CSGALNACT1: variants seen among roughly 807,000 people sequenced by gnomAD.
CSGALNACT1 encodes the protein beta4GalNAcT-1.
Under a neutral mutation model 51.0 loss-of-function variants are expected in CSGALNACT1, and 52 were observed. The ratio of observed to expected loss-of-function variants is 1.02; its 90% CI spans 0.82 to 1.29. The LOEUF is 1.29. Ranked by LOEUF, CSGALNACT1 falls within the 50% of genes most tolerant of loss-of-function variation. CSGALNACT1 has a pLI of 0.00. For synonymous variants in CSGALNACT1, 341 were observed against 254.4 expected (o/e 1.34, Z -3.24); for missense variants, 935 against 679.2 (o/e 1.38, Z -4.19).
At chr8:19,511,521 G>C (rs190564780) in intron 3 of CSGALNACT1, among the ~76,000 whole-genome samples, 23 of 152,342 alleles carry the variant, frequency 1.5e-4, no homozygotes, top group African/African-American at 4.8e-4. Flanking sequence ...TGGATATAAA[G>C]TCAGCACTGT....
At chr8:19,696,590 C>T (rs2061594536) in intron 1 of CSGALNACT1, among the ~76,000 whole-genome samples, 1 of 152,156 alleles carries the variant, frequency 6.6e-6, no homozygotes, top group Admixed American at 6.5e-5. Flanking sequence ...ATGGGGCTCC[C>T]CAGTTTCAGA....
intron 4 of CSGALNACT1, among the ~76,000 whole-genome samples, chr8:19,481,437 C>T (rs2071376324): frequency 6.6e-6 from 1 of 152,142 alleles, no homozygotes; most frequent in South Asian, 2.1e-4. Flanking sequence ...TTAGCAGGTG[C>T]TCGATAAACA....
chr8:19,458,630 G>A (rs779848759), exon 5 of CSGALNACT1: 2 of 1,613,946 alleles, frequency 1.2e-6, no homozygotes, highest in South Asian at 1.1e-5. Flanking sequence ...GTCCCTTTCT[G>A]TTCGGTAGAT....
At chr8:19,731,505 C>CAAAT (rs1227701757) in intron 1 of CSGALNACT1, among the ~76,000 whole-genome samples, 1 of 152,098 alleles carries the variant, frequency 6.6e-6, no homozygotes, top group African/African-American at 2.4e-5. Flanking sequence ...GACTCCATCT[C>CAAAT]AAATAAATAA....
chr8:19,706,920 C>A (rs982542628), intron 1 of CSGALNACT1, among the ~76,000 whole-genome samples: 1 of 152,018 alleles, frequency 6.6e-6, no homozygotes, highest in Non-Finnish European at 1.5e-5. Context: ...AGCAACTACA[C>A]CTCTTTGGCC....
At chr8:19,728,829 C>A (rs2063541389) in intron 1 of CSGALNACT1, among the ~76,000 whole-genome samples, 1 of 152,126 alleles carries the variant, frequency 6.6e-6, no homozygotes, top group Non-Finnish European at 1.5e-5. Context: ...ACCTTTTCCT[C>A]AACCCCCAAA....
intron 1 of CSGALNACT1, among the ~76,000 whole-genome samples, chr8:19,754,582 T>A (rs1353887889): frequency 6.6e-6 from 1 of 152,244 alleles, no homozygotes; most frequent in Admixed American, 6.5e-5. Flanking sequence ...TCCAAATTCT[T>A]ACATCTCTTT....
chr8:19,445,248 T>C (rs1015810715), intron 5 of CSGALNACT1, among the ~76,000 whole-genome samples: 2 of 152,176 alleles, frequency 1.3e-5, no homozygotes, highest in South Asian at 2.1e-4. Context: ...TCTGCCACGG[T>C]AGAATACAAG....
chr8:19,666,854 AAAG>A (rs2059275745), intron 1 of CSGALNACT1, among the ~76,000 whole-genome samples: 1 of 123,684 alleles, frequency 8.1e-6, no homozygotes, highest in Non-Finnish European at 1.6e-5. Context: ...AGAAAGAAAG[AAAG>A]AAAGAAAGAA....
intron 2 of CSGALNACT1, among the ~76,000 whole-genome samples, chr8:19,597,976 C>T (rs965223445): frequency 1.3e-5 from 2 of 152,222 alleles, no homozygotes; most frequent in African/African-American, 4.8e-5. Context: ...CCATCCCAGC[C>T]TGGGGCTCAG....
exon 10 of CSGALNACT1, chr8:19,405,802 T>C: frequency 6.2e-7 from 1 of 1,614,190 alleles, no homozygotes; most frequent in African/African-American, 1.3e-5. Flanking sequence ...GCTACTTGTC[T>C]TCTGTTTCTG....
At chr8:19,424,378 C>CT (rs1033490014) in intron 6 of CSGALNACT1, among the ~76,000 whole-genome samples, 5 of 152,118 alleles carry the variant, frequency 3.3e-5, no homozygotes, top group African/African-American at 4.8e-5. Flanking sequence ...CAACCCAAGG[C>CT]TTTTTTCCAA....
At chr8:19,425,283 G>A in intron 6 of CSGALNACT1, among the ~76,000 whole-genome samples, 1 of 152,186 alleles carries the variant, frequency 6.6e-6, no homozygotes, top group East Asian at 1.9e-4. Flanking sequence ...GGAGGTTGCT[G>A]TGAGCCGAGA....
intron 4 of CSGALNACT1, among the ~76,000 whole-genome samples, chr8:19,478,186 G>A (rs1363774169): frequency 6.6e-5 from 10 of 152,014 alleles, no homozygotes; most frequent in South Asian, 6.2e-4. Flanking sequence ...AGGCCAAGGC[G>A]GGTGGATCAC....
chr8:19,527,545 G>A (rs534852757), intron 3 of CSGALNACT1, among the ~76,000 whole-genome samples: 2 of 152,230 alleles, frequency 1.3e-5, no homozygotes, highest in Non-Finnish European at 2.9e-5. Flanking sequence ...GCGAGGCAGA[G>A]GTTAAAGTGA....
chr8:19,717,208 G>A (rs2062859104), intron 1 of CSGALNACT1, among the ~76,000 whole-genome samples: 1 of 152,230 alleles, frequency 6.6e-6, no homozygotes, highest in Non-Finnish European at 1.5e-5. Flanking sequence ...ACAATGCTCA[G>A]TGCCTCTGCA....
intron 3 of CSGALNACT1, among the ~76,000 whole-genome samples, chr8:19,539,881 A>C (rs1385921068): frequency 1.3e-5 from 2 of 152,110 alleles, no homozygotes; most frequent in African/African-American, 4.8e-5. Context: ...GGGGGACAGG[A>C]GGGGAGATAC....
intron 1 of CSGALNACT1, among the ~76,000 whole-genome samples, chr8:19,679,300 C>CA (rs1564411783): frequency 6.6e-6 from 1 of 151,648 alleles, no homozygotes; most frequent in Non-Finnish European, 1.5e-5. Context: ...AAACAAAATA[C>CA]AAAAATTAGT....
chr8:19,531,351 A>G (rs1489237244), intron 3 of CSGALNACT1, among the ~76,000 whole-genome samples: 1 of 152,246 alleles, frequency 6.6e-6, no homozygotes, highest in Non-Finnish European at 1.5e-5. Flanking sequence ...ATGGACGTTA[A>G]TATTGCCATT....
Sources: gnomAD v4.1 joint callset for allele counts (sites outside exome capture counted in the v4.1 genomes callset) on GRCh38, gnomAD v4.1.1 for gene constraint, MANE v1.5 for transcripts, NCBI Gene and HGNC (gene_info 2026-07-23, HGNC 2026-07-21) for gene names.